DCC: variants seen among roughly 807,000 people sequenced by gnomAD.
DCC encodes netrin receptor DCC.
DCC carries 58 observed loss-of-function variants against 172.5 expected under a neutral mutation model. That is an observed-to-expected ratio of 0.34 (90% CI 0.27 to 0.42). DCC has a LOEUF of 0.42. DCC is among the 10% of genes least tolerant of loss of function. DCC has a pLI of 1.00. For missense variants in DCC, 1,740 were observed against 1,791.0 expected (o/e 0.97, Z 0.51); for synonymous variants, 709 against 644.5 (o/e 1.10, Z -1.52).
intron 7 of DCC, among the ~76,000 whole-genome samples, chr18:53,092,113 G>A (rs182531289): frequency 8.7e-4 from 132 of 151,972 alleles, no homozygotes; most frequent in Middle Eastern, 3.4e-3. Flanking sequence ...GTTCATTTTC[G>A]TCACATAAAT....
intron 7 of DCC, among the ~76,000 whole-genome samples, chr18:53,156,057 G>T (rs1376512242): frequency 6.6e-6 from 1 of 152,202 alleles, no homozygotes; most frequent in African/African-American, 2.4e-5. Context: ...CTATGTTATA[G>T]AATATTGAGG....
chr18:52,588,053 C>G (rs1031271319), intron 1 of DCC, among the ~76,000 whole-genome samples: 7 of 152,200 alleles, frequency 4.6e-5, no homozygotes, highest in Non-Finnish European at 8.8e-5. Context: ...CAGTTCATGA[C>G]AGGCAGTTCA....
chr18:52,941,918 G>C (rs1220793489), intron 5 of DCC, among the ~76,000 whole-genome samples: 1 of 152,048 alleles, frequency 6.6e-6, no homozygotes, highest in African/African-American at 2.4e-5. Flanking sequence ...AAGTAGCTTG[G>C]ATTACAGGCA....
At chr18:52,506,793 T>C (rs62081284) in intron 1 of DCC, among the ~76,000 whole-genome samples, 9,948 of 152,238 alleles carry the variant, frequency 0.065, 383 homozygotes, top group Middle Eastern at 0.11. Flanking sequence ...CTGCTGGTCA[T>C]AGATATAATT....
chr18:53,479,426 A>G (rs72918258), intron 25 of DCC, among the ~76,000 whole-genome samples: 282 of 152,332 alleles, frequency 1.9e-3, no homozygotes, highest in Non-Finnish European at 3.4e-3. Flanking sequence ...AAAGTTGTTA[A>G]TGAATGGGAA....
chr18:53,350,421 C>T (rs577579579), intron 15 of DCC, among the ~76,000 whole-genome samples: 74 of 152,180 alleles, frequency 4.9e-4, no homozygotes, highest in African/African-American at 1.7e-3. Flanking sequence ...TTGTAATTTC[C>T]TTTTATTCTT....
chr18:53,330,701 C>T (rs1258492233), intron 14 of DCC, among the ~76,000 whole-genome samples: 4 of 152,166 alleles, frequency 2.6e-5, no homozygotes, highest in African/African-American at 7.2e-5. Context: ...CAGCTGCATC[C>T]TGGATCAAGC....
At chr18:53,084,768 A>G (rs1405506569) in intron 7 of DCC, among the ~76,000 whole-genome samples, 1 of 152,176 alleles carries the variant, frequency 6.6e-6, no homozygotes, top group Non-Finnish European at 1.5e-5. Context: ...ACAATAACAA[A>G]CATATGTAAT....
At chr18:53,525,819 G>C (rs1207091377) in intron 27 of DCC, among the ~76,000 whole-genome samples, 7 of 152,054 alleles carry the variant, frequency 4.6e-5, no homozygotes, top group Non-Finnish European at 8.8e-5. Context: ...TGCTAAGAAT[G>C]ACATAACCCC....
chr18:53,004,067 A>C (rs534031106), intron 5 of DCC, among the ~76,000 whole-genome samples: 1 of 152,306 alleles, frequency 6.6e-6, no homozygotes, highest in Non-Finnish European at 1.5e-5. Flanking sequence ...AAATGGGACA[A>C]ATCATTTATT....
At chr18:52,595,284 C>G (rs1377199645) in intron 1 of DCC, among the ~76,000 whole-genome samples, 1 of 152,136 alleles carries the variant, frequency 6.6e-6, no homozygotes, top group African/African-American at 2.4e-5. Flanking sequence ...AAGGCTGACA[C>G]CTCCCATCAT....
intron 1 of DCC, among the ~76,000 whole-genome samples, chr18:52,362,412 C>A (rs1180761503): frequency 1.3e-5 from 2 of 152,200 alleles, no homozygotes; most frequent in Non-Finnish European, 2.9e-5. Context: ...GCTCTACGAC[C>A]ACCAGCATTG....
At chr18:52,572,030 T>G (rs779025535) in intron 1 of DCC, among the ~76,000 whole-genome samples, 29 of 152,156 alleles carry the variant, frequency 1.9e-4, no homozygotes, top group Non-Finnish European at 3.1e-4. Flanking sequence ...GAATACAATA[T>G]GACTGAAGAT....
chr18:53,462,443 T>C (rs949358689), intron 24 of DCC, among the ~76,000 whole-genome samples: 9 of 151,772 alleles, frequency 5.9e-5, no homozygotes, highest in Admixed American at 2.0e-4. Context: ...AAGAATCTAA[T>C]GTCTGATGAT....
At chr18:52,733,102 T>C (rs11876586) in intron 1 of DCC, among the ~76,000 whole-genome samples, 5,625 of 152,236 alleles carry the variant, frequency 0.037, 135 homozygotes, top group Admixed American at 0.05. Context: ...CATTTATCCA[T>C]GTCAAAGCAT....
chr18:53,163,119 G>A (rs187203469), intron 8 of DCC, among the ~76,000 whole-genome samples: 12 of 152,276 alleles, frequency 7.9e-5, no homozygotes, highest in South Asian at 4.1e-4. Context: ...GGCTGAGTAC[G>A]TGTGTATTTC....
chr18:53,044,159 T>C lies in DCC; in HGVS notation c.986-19146T>C, dbSNP rs2042206088. Reference sequence around the variant, plus strand: ...AAGGGACAATAACAAGATAGTCTGCTGGGAAGCATCTTCAAAACATGAAAG... The same window carrying C: ...AAGGGACAATAACAAGATAGTCTGCCGGGAAGCATCTTCAAAACATGAAAG... On this transcript the variant is annotated intron_variant, in intron 5 of 28. Coordinates refer to ENST00000442544, the MANE Select transcript of DCC (RefSeq NM_005215.4). Among the ~76,000 whole-genome samples, 8 of 152,066 alleles carry C rather than the reference T, an allele frequency of 5.3e-5. No homozygotes were observed. In the South Asian group the frequency reaches 1.7e-3, roughly 31 times the overall value.
chr18:53,287,280 A>G (rs999874827), intron 12 of DCC, among the ~76,000 whole-genome samples: 19 of 152,154 alleles, frequency 1.2e-4, no homozygotes, highest in African/African-American at 4.6e-4. Context: ...TAATTTTTCA[A>G]GGTTCATCCA....
At chr18:53,204,517 A>T (rs1267785937) in intron 9 of DCC, among the ~76,000 whole-genome samples, 1 of 151,806 alleles carries the variant, frequency 6.6e-6, no homozygotes, top group African/African-American at 2.4e-5. Context: ...ACTGCACTCC[A>T]GCCTGAGAAA....
Sources: allele counts gnomAD v4.1 joint callset (sites outside exome capture counted in the v4.1 genomes callset), GRCh38; gene constraint gnomAD v4.1.1; transcripts MANE v1.5; gene names NCBI Gene and HGNC (gene_info 2026-07-23, HGNC 2026-07-21).